TULP4: variants seen among roughly 807,000 people sequenced by gnomAD.
TULP4 encodes TUB like protein 4, also known as tubby-related protein 4.
A neutral mutation model predicts 129.0 loss-of-function variants in TULP4; 16 were observed. The observed-to-expected ratio is 0.12, with a 90% confidence interval of 0.08 to 0.19. The LOEUF is 0.19. TULP4 is among the 10% of genes least tolerant of loss of function. The pLI is 1.00. For synonymous variants in TULP4, 998 were observed against 854.0 expected (o/e 1.17, Z -2.94); for missense variants, 1,842 against 2,059.1 (o/e 0.89, Z 2.04).
chr6:158,462,653 A>C (rs1470825483), intron 6 of TULP4, among the ~76,000 whole-genome samples: 2 of 151,578 alleles, frequency 1.3e-5, no homozygotes, highest in South Asian at 2.1e-4. Context: ...GATTACAGGC[A>C]TGAGCCACCA....
intron 1 of TULP4, among the ~76,000 whole-genome samples, chr6:158,406,044 C>T (rs111750313): frequency 1.4e-4 from 21 of 152,276 alleles, no homozygotes; most frequent in African/African-American, 3.9e-4. Flanking sequence ...CTTGGGCAGG[C>T]GTCTCTCCCC....
intron 2 of TULP4, among the ~76,000 whole-genome samples, chr6:158,418,152 G>A (rs1778256968): frequency 1.3e-5 from 2 of 150,692 alleles, no homozygotes; most frequent in East Asian, 3.9e-4. Flanking sequence ...TGTCACCCAG[G>A]CTGGAGTGCA....
chr6:158,316,781 C>T (rs535172720), intron 1 of TULP4, among the ~76,000 whole-genome samples: 9 of 152,302 alleles, frequency 5.9e-5, no homozygotes, highest in Non-Finnish European at 1.2e-4. Flanking sequence ...CTGCTAGCTC[C>T]TCTGAGGCTC....
chr6:158,369,647 AGTG>A (rs1777029162), intron 1 of TULP4, among the ~76,000 whole-genome samples: 1 of 152,186 alleles, frequency 6.6e-6, no homozygotes, highest in South Asian at 2.1e-4. Flanking sequence ...CGGGAGCTGA[AGTG>A]GTGTGTTTTT....
chr6:158,300,966 C>T (rs1404425492), intron 1 of TULP4, among the ~76,000 whole-genome samples: 1 of 152,194 alleles, frequency 6.6e-6, no homozygotes, highest in Non-Finnish European at 1.5e-5. Flanking sequence ...CAATAGAGAC[C>T]AGTCGACCTT....
chr6:158,448,910 C>A, intron 3 of TULP4, 86 bp from the exon 4 acceptor site: 1 of 1,381,686 alleles, frequency 7.2e-7, no homozygotes. Flanking sequence ...TGTATATTGT[C>A]TTCCTAAAAC....
intron 1 of TULP4, among the ~76,000 whole-genome samples, chr6:158,285,685 G>T (rs1471690809): frequency 6.6e-6 from 1 of 152,156 alleles, no homozygotes; most frequent in Non-Finnish European, 1.5e-5. Context: ...CATTTGTATG[G>T]GCACGGGTCC....
chr6:158,488,106 A>G (rs1394810206), intron 8 of TULP4, among the ~76,000 whole-genome samples: 3 of 152,204 alleles, frequency 2.0e-5, no homozygotes, highest in Non-Finnish European at 2.9e-5. Context: ...TCTCTATAAA[A>G]AAGAAAATAG....
In TULP4 at chr6:158,254,038, C is replaced by CA. The variant is rs1055280495; in HGVS notation, n.68+21746dup. On this transcript the variant is annotated intron_variant and non_coding_transcript_variant, in intron 1 of 1. Coordinates refer to the TULP4 transcript ENST00000620026. ...TGGGTGATAGAGCAAGACTCTGTCT[C>CA]AAAAAAAAAAAGAAAACAGTGAGAA... is the stretch of plus-strand genomic sequence containing the variant. Among the ~76,000 whole-genome samples the CA allele has an allele frequency of 6.8e-3, 939 of 138,754 alleles. 7 individuals are homozygous for CA. The highest frequency in any genetic ancestry group is 0.021 in the African/African-American group (786 of 37,660). 91.0% of individuals were successfully genotyped at this position (138,754 alleles called of 152,430 possible). A position where few individuals can be genotyped will look rare whatever the true frequency, so the allele number is the denominator to read the frequency against.
Position 158,502,668 on chromosome 6 carries a change from C to T in TULP4, c.3005C>T (p.Ala1002Val), listed in dbSNP as rs778811971. The T allele has an allele frequency of 4.5e-6, 7 of 1,561,840 alleles. No individual in the cohort carries two copies. The highest frequency in any genetic ancestry group is 1.2e-5 in the South Asian group (1 of 84,990). Residue 1002 changes from alanine to valine, a missense_variant, in exon 13 of 14, where the codon GCC becomes GTC. Coordinates refer to ENST00000367097, the MANE Select transcript of TULP4 (RefSeq NM_020245.5). ...GCTACGCTCAAGATGGCCCAGCTGGCCGACAGCCCGCGGGCCCCCCTGCAG... is the reference window on the plus strand; with the variant it reads ...GCTACGCTCAAGATGGCCCAGCTGGTCGACAGCCCGCGGGCCCCCCTGCAG... Reference protein sequence around the residue: ...REATLKMAQLADSPRAPLQPL... With the variant: ...REATLKMAQLVDSPRAPLQPL...
upstream of TULP4, among the ~76,000 whole-genome samples, chr6:158,309,737 G>A (rs1316647452): frequency 2.0e-5 from 3 of 152,052 alleles, no homozygotes; most frequent in Non-Finnish European, 2.9e-5. Context: ...AAAAAAATAC[G>A]AAAACCAGTC....
At chr6:158,480,215 T>C (rs1779908295) in intron 7 of TULP4, among the ~76,000 whole-genome samples, 1 of 152,272 alleles carries the variant, frequency 6.6e-6, no homozygotes, top group Non-Finnish European at 1.5e-5. Context: ...ATTCCTGGAC[T>C]TCTGTGTCCC....
chr6:158,350,015 G>A (rs1485147759), intron 1 of TULP4, among the ~76,000 whole-genome samples: 18 of 147,580 alleles, frequency 1.2e-4, no homozygotes, highest in African/African-American at 4.5e-4. Flanking sequence ...CTTCCCAGGC[G>A]GGGCAGCCGG....
chr6:158,334,674 C>G (rs1276687782), intron 1 of TULP4, among the ~76,000 whole-genome samples: 1 of 152,158 alleles, frequency 6.6e-6, no homozygotes, highest in Non-Finnish European at 1.5e-5. Context: ...CCCTCTACTC[C>G]CCTTTCAGTG....
chr6:158,504,513 ATT>A (rs769598967), intron 13 of TULP4, among the ~76,000 whole-genome samples: 8 of 138,864 alleles, frequency 5.8e-5, no homozygotes, highest in Admixed American at 1.4e-4. Flanking sequence ...TGCCCGGCTA[ATT>A]TTTTTTTTTT....
intron 1 of TULP4, among the ~76,000 whole-genome samples, chr6:158,268,028 CTTTTTTCTT>C (rs1583690184): frequency 2.6e-5 from 3 of 113,824 alleles, no homozygotes; most frequent in Admixed American, 9.6e-5. Flanking sequence ...TTTTCTTTTT[CTTTTTTCTT>C]TTTTTTTTTT....
intron 6 of TULP4, among the ~76,000 whole-genome samples, chr6:158,475,182 C>A (rs560830411): frequency 6.6e-6 from 1 of 152,224 alleles, no homozygotes; most frequent in Non-Finnish European, 1.5e-5. Context: ...AGGGCTGGCC[C>A]GCATCTTTTC....
intron 1 of TULP4, among the ~76,000 whole-genome samples, chr6:158,381,157 G>GTTTT (rs113020165): frequency 6.8e-6 from 1 of 147,776 alleles, no homozygotes. Context: ...GTGCTTTATG[G>GTTTT]TTGTTTTTTT....
At chr6:158,458,725 G>A (rs1337386458) in intron 5 of TULP4, among the ~76,000 whole-genome samples, 1 of 152,106 alleles carries the variant, frequency 6.6e-6, no homozygotes, top group Non-Finnish European at 1.5e-5. Context: ...TTATCATAAT[G>A]ACATGTAGAA....
Sources: allele counts gnomAD v4.1 joint callset (sites outside exome capture counted in the v4.1 genomes callset), GRCh38; gene constraint gnomAD v4.1.1; transcripts MANE v1.5; gene names NCBI Gene and HGNC (gene_info 2026-07-23, HGNC 2026-07-21).